The following DCAF4L2 variants were observed in gnomAD, a reference collection of about 807,000 sequenced individuals.
DCAF4L2 encodes DDB1- and CUL4-associated factor 4-like protein 2.
In DCAF4L2, 13 loss-of-function variants were observed where a neutral mutation model predicts 15.5. The observed-to-expected ratio is 0.84, with a 90% confidence interval of 0.54 to 1.33. The LOEUF (loss-of-function observed/expected upper bound fraction) is 1.33, where lower values mean the gene tolerates loss of function less well. Among genes scored for constraint, DCAF4L2 ranks in the 40% most tolerant of loss-of-function variants. DCAF4L2 has a pLI of 0.00. For synonymous variants in DCAF4L2, 251 were observed against 207.0 expected (o/e 1.21, Z -1.83); for missense variants, 519 against 509.6 (o/e 1.02, Z -0.18).
rs1428657253 is a variant in DCAF4L2 at position 87,871,623 on chromosome 8, AAAAC to A, written c.*1157_*1160del. 4 of 152,222 alleles carry A rather than the reference AAAAC, an allele frequency of 2.6e-5. No homozygotes were observed. Among genetic ancestry groups the A allele is most frequent in the Non-Finnish European group, 5.9e-5 (4 of 68,022 alleles). 9.4% of individuals were successfully genotyped at this position (152,222 alleles called of 1,614,324 possible). A position where few individuals can be genotyped will look rare whatever the true frequency, so the allele number is the denominator to read the frequency against. On this transcript the variant is annotated 3_prime_UTR_variant, in exon 1 of 1. Coordinates refer to ENST00000319675, the MANE Select transcript of DCAF4L2 (RefSeq NM_152418.4). ...CAATATCCTAAAAATAAAAGGGAAAAAAACAAACAATATCCTTTCTTCCTTCCAC... is the reference window on the plus strand; with the variant it reads ...CAATATCCTAAAAATAAAAGGGAAAAAAACAATATCCTTTCTTCCTTCCAC...
chr8:87,871,433 A>G lies in DCAF4L2; in HGVS notation c.*1351T>C, dbSNP rs923511707. Reference sequence around the variant, plus strand: ...TTCTCATAGTCAGGTCCAAGCCACAATCATTCCCTTTCCTGACCAACCTAC... The same window carrying G: ...TTCTCATAGTCAGGTCCAAGCCACAGTCATTCCCTTTCCTGACCAACCTAC... On this transcript the variant is annotated 3_prime_UTR_variant, in exon 1 of 1. Transcript: ENST00000319675. The G allele has an allele frequency of 3.3e-5, 5 of 152,024 alleles. No homozygotes were observed. Among genetic ancestry groups the G allele is most frequent in the African/African-American group, 1.2e-4 (5 of 40,366 alleles). The allele number at this position is 152,024 out of a possible 1,614,324, so 9.4% of individuals were successfully genotyped here.
In DCAF4L2 at chr8:87,873,751, A is replaced by C. The variant is rs749699651; in HGVS notation, c.221T>G (p.Phe74Cys). ...WDPSSLASDR[F>C]NRILANTNTD... ...GTTGGTATTCGCCAGTATGCGGTTA[A>C]ATCGGTCGCTTGCCAAAGAGGAGGG... The change falls in exon 1 of 1, where the codon TTT (phenylalanine) becomes TGT (cysteine). Residue 74 changes from phenylalanine (F) to cysteine (C), a missense_variant. Phe to Cys is a radical substitution (Grantham distance 205). Transcript: ENST00000319675. The C allele has an allele frequency of 1.1e-5, 17 of 1,614,040 alleles. No homozygotes were observed. In the Admixed American group the frequency reaches 2.0e-4, roughly 19 times the overall value.
Position 87,872,381 on chromosome 8 carries a change from C to T in DCAF4L2, c.*403G>A, listed in dbSNP as rs116495060. Reference sequence around the variant, plus strand: ...CAAGTACAGATGATGCATGTATTTCCGGAACCCAGGTAGGACTAGTCAAAC... The same window carrying T: ...CAAGTACAGATGATGCATGTATTTCTGGAACCCAGGTAGGACTAGTCAAAC... On this transcript the variant is annotated 3_prime_UTR_variant, in exon 1 of 1. Coordinates refer to ENST00000319675, the MANE Select transcript of DCAF4L2 (RefSeq NM_152418.4). 5.1e-3 allele frequency: 813 copies of T among 158,976 alleles called. 9 individuals carry two copies. The highest frequency in any genetic ancestry group is 0.019 in the African/African-American group (769 of 41,554). The allele number at this position is 158,976 out of a possible 1,614,324, so 9.8% of individuals were successfully genotyped here.
chr8:87,873,083 A>G lies in DCAF4L2; in HGVS notation c.889T>C (p.Trp297Arg), dbSNP rs1245241186. The G allele has an allele frequency of 6.2e-7, 1 of 1,614,074 alleles. No homozygotes were observed. The highest frequency in any genetic ancestry group is 1.3e-5 in the African/African-American group (1 of 74,926). ...ACACATTTAGTGGCCCTCAAGTCCC[A>G]CAGCTTGATAGTTCCAGTCATGTCT... is the stretch of plus-strand genomic sequence containing the variant. The part of the protein sequence containing the change: ...SSDMTGTIKL[W>R]DLRATKCVTQ... Residue 297 changes from tryptophan to arginine, a missense_variant, in exon 1 of 1, where the codon TGG becomes CGG. Transcript: ENST00000319675.
rs1319543135 is a variant in DCAF4L2, at chr8:87,872,943, G to A, written c.1029C>T (p.Leu343=). The change falls in exon 1 of 1, where the codon CTC becomes CTT. Residue 343 remains leucine, a synonymous_variant. Transcript: ENST00000319675. ...TGGTTGTGAGCAGGTGGCCATGACG[G>A]AGGCTCCAGATTCTCGTGTAGCAGT... ...GQDCYTRIWS[L]RHGHLLTTIP... 16 of 1,614,138 alleles carry A rather than the reference G, an allele frequency of 9.9e-6. No homozygotes were observed. Among genetic ancestry groups the A allele is most frequent in the Non-Finnish European group, 1.4e-5 (16 of 1,180,012 alleles).
At position 87,872,121 on chromosome 8, in the gene DCAF4L2, A is replaced by T. The variant is rs925829496; in HGVS notation, c.*663T>A. The T allele has an allele frequency of 6.0e-6, 1 of 166,330 alleles. No individual in the cohort carries two copies. Among genetic ancestry groups the T allele is most frequent in the Non-Finnish European group, 1.5e-5 (1 of 68,116 alleles). 10.3% of individuals were successfully genotyped at this position (166,330 alleles called of 1,614,324 possible). A position where few individuals can be genotyped will look rare whatever the true frequency, so the allele number is the denominator to read the frequency against. The stretch of plus-strand genomic sequence containing the variant: ...ATAGAAACCGGAGCTGCTGTACCTT[A>T]CATTCTGGAAGATGCCTCAACAAAA... On this transcript the variant is annotated 3_prime_UTR_variant, in exon 1 of 1. Coordinates refer to ENST00000319675, the MANE Select transcript of DCAF4L2 (RefSeq NM_152418.4).
At position 87,873,111 on chromosome 8, in the gene DCAF4L2, T is replaced by A. The variant is rs1209675439; in HGVS notation, c.861A>T (p.Ser287=). 1 of 1,614,218 alleles carries A rather than the reference T, an allele frequency of 6.2e-7. No homozygotes were observed. Among genetic ancestry groups the A allele is most frequent in the Non-Finnish European group, 8.5e-7 (1 of 1,180,050 alleles). Residue 287 remains serine (S), a synonymous_variant, in exon 1 of 1, where the codon TCA becomes TCT. Transcript: ENST00000319675. ...QILQDGQFLV[S]SDMTGTIKLW... The stretch of plus-strand genomic sequence containing the variant: ...GCTTGATAGTTCCAGTCATGTCTGA[T>A]GACACCAGGAATTGGCCATCTTGGA...
rs966946202 is a variant in DCAF4L2 at position 87,871,424 on chromosome 8, C to A, written c.*1360G>T. 6.5e-6 allele frequency: 1 copy of A among 153,254 alleles called. No individual in the cohort carries two copies. The allele number at this position is 153,254 out of a possible 1,614,324, so 9.5% of individuals were successfully genotyped here. Reference sequence around the variant, plus strand: ...TATTTCTACTTCTCATAGTCAGGTCCAAGCCACAATCATTCCCTTTCCTGA... The same window carrying A: ...TATTTCTACTTCTCATAGTCAGGTCAAAGCCACAATCATTCCCTTTCCTGA... On this transcript the variant is annotated 3_prime_UTR_variant, in exon 1 of 1. Transcript: ENST00000319675.
At position 87,873,112 on chromosome 8, in the gene DCAF4L2, G is replaced by T. The variant is rs202221876; in HGVS notation, c.860C>A (p.Ser287Ter). 6.2e-7 allele frequency: 1 copy of T among 1,614,210 alleles called. No individual in the cohort carries two copies. The highest frequency in any genetic ancestry group is 8.5e-7 in the Non-Finnish European group (1 of 1,180,042). Residue 287 changes from serine to a stop codon, truncating the protein, a stop_gained, in exon 1 of 1, where the codon TCA becomes TAA. Coordinates refer to ENST00000319675, the MANE Select transcript of DCAF4L2 (RefSeq NM_152418.4). LOFTEE classifies it high-confidence loss of function. ...QILQDGQFLV[S>*]SDMTGTIKLW... The stretch of plus-strand genomic sequence containing the variant: ...CTTGATAGTTCCAGTCATGTCTGAT[G>T]ACACCAGGAATTGGCCATCTTGGAG...
chr8:87,871,505 G>A lies in DCAF4L2; in HGVS notation c.*1279C>T, dbSNP rs1042500451. On this transcript the variant is annotated 3_prime_UTR_variant, in exon 1 of 1. Coordinates refer to ENST00000319675, the MANE Select transcript of DCAF4L2 (RefSeq NM_152418.4). ...TTTTATTTTTGAGGTATTATATAAA[G>A]TGTGAAGTGTATAGACATACAAAAT... 2 of 152,064 alleles carry A rather than the reference G, an allele frequency of 1.3e-5. No homozygotes were observed. Among genetic ancestry groups the A allele is most frequent in the African/African-American group, 4.8e-5 (2 of 41,398 alleles). 9.4% of individuals were successfully genotyped at this position (152,064 alleles called of 1,614,324 possible).
In DCAF4L2 at chr8:87,873,973, T is replaced by G. The variant is rs1446143510; in HGVS notation, c.-2A>C. 6.2e-7 allele frequency: 1 copy of G among 1,612,496 alleles called. No individual in the cohort carries two copies. ...CAGTCGCGGTCTTTTGCTCTCCATT[T>G]CGTTCGGCGGATGTTCTCCCTCCTG... On this transcript the variant is annotated 5_prime_UTR_variant, in exon 1 of 1. Coordinates refer to ENST00000319675, the MANE Select transcript of DCAF4L2 (RefSeq NM_152418.4).
rs1014722742 is a variant in DCAF4L2 at position 87,870,884 on chromosome 8, T to C, written c.*1900A>G. The C allele has an allele frequency of 3.9e-5, 6 of 152,298 alleles. No homozygotes were observed. The highest frequency in any genetic ancestry group is 8.8e-5 in the Non-Finnish European group (6 of 68,020). The allele number at this position is 152,298 out of a possible 1,614,324, so 9.4% of individuals were successfully genotyped here. A position where few individuals can be genotyped will look rare whatever the true frequency, so the allele number is the denominator to read the frequency against. The stretch of plus-strand genomic sequence containing the variant: ...AAATTACATCCGCAGCTAGTTCTTA[T>C]TGAATGCTTACAATGTAAAAGGGAC... On this transcript the variant is annotated 3_prime_UTR_variant, in exon 1 of 1. Coordinates refer to ENST00000319675, the MANE Select transcript of DCAF4L2 (RefSeq NM_152418.4).
Position 87,873,989 on chromosome 8 carries a change from C to G in DCAF4L2, c.-18G>C, listed in dbSNP as rs1413980847. ...CTCTCCATTTCGTTCGGCGGATGTT[C>G]TCCCTCCTGAGGGGAAGTTCTGTCC... On this transcript the variant is annotated 5_prime_UTR_variant, in exon 1 of 1. Transcript: ENST00000319675. 4.4e-6 allele frequency: 7 copies of G among 1,609,118 alleles called. No homozygotes were observed. Among genetic ancestry groups the G allele is most frequent in the South Asian group, 3.3e-5 (3 of 90,360 alleles).
Sources: allele counts gnomAD v4.1 joint callset, GRCh38; gene constraint gnomAD v4.1.1; transcripts MANE v1.5; gene names NCBI Gene and HGNC (gene_info 2026-07-23, HGNC 2026-07-21).